ALDH1L2: variants seen among roughly 807,000 people sequenced by gnomAD.
ALDH1L2 encodes the protein aldehyde dehydrogenase 1 family member L2.
A neutral mutation model predicts 111.0 loss-of-function variants in ALDH1L2; 91 were observed. The observed-to-expected ratio is 0.82, with a 90% confidence interval of 0.69 to 0.98. The LOEUF is 0.98. Ranked by LOEUF, ALDH1L2 falls within the 50% of genes least tolerant of loss-of-function variation. ALDH1L2 has a pLI of 0.00. For missense variants in ALDH1L2, 995 were observed against 1,126.8 expected (o/e 0.88, Z 1.67); for synonymous variants, 374 against 392.6 (o/e 0.95, Z 0.56).
rs1384814016 is a variant in ALDH1L2, at chr12:105,046,708, A to T, written c.1863+2T>A. On this transcript the variant is annotated splice_donor_variant, in intron 15 of 22. Transcript: ENST00000258494. LOFTEE classifies it high-confidence loss of function. ...TCTGCACCTGGCCCTTTGTGGCCTT[A>T]CCTGTGCTGGCTTGAGCACTAAGGT... 1 of 1,613,746 alleles carries T rather than the reference A, an allele frequency of 6.2e-7. No homozygotes were observed. Among genetic ancestry groups the T allele is most frequent in the South Asian group, 1.1e-5 (1 of 91,066 alleles).
chr12:105,034,190 C>G (rs984913029), intron 19 of ALDH1L2, 110 bp downstream of exon 19: 5 of 1,038,926 alleles, frequency 4.8e-6, no homozygotes, highest in Non-Finnish European at 7.1e-6. Context: ...TAAAACATAA[C>G]CACAATACTG....
At chr12:105,028,419 G>C (rs767752345) in intron 21 of ALDH1L2, among the ~76,000 whole-genome samples, 6 of 152,158 alleles carry the variant, frequency 3.9e-5, no homozygotes, top group Non-Finnish European at 7.3e-5. Flanking sequence ...GGCCAAGCCA[G>C]GTATTTCATC....
At chr12:105,046,273 G>A (rs1448285857) in intron 15 of ALDH1L2, among the ~76,000 whole-genome samples, 1 of 76,208 alleles carries the variant, frequency 1.3e-5, no homozygotes, top group African/African-American at 4.9e-5. Context: ...TCTTTGCTTT[G>A]TTGCCCAGGC....
At chr12:105,050,685 G>A (rs1876203288) in intron 12 of ALDH1L2, 1 of 453,640 alleles carries the variant, frequency 2.2e-6, no homozygotes, top group Non-Finnish European at 4.4e-6. Context: ...TCCAGATCTT[G>A]CTTGTATTAG....
At chr12:105,049,830 G>A (rs1876138721) in intron 13 of ALDH1L2, 78 bp downstream of exon 13, 2 of 1,440,036 alleles carry the variant, frequency 1.4e-6, no homozygotes, top group Non-Finnish European at 9.3e-7. Context: ...CATAAAAAGA[G>A]GATCTGACAC....
At chr12:105,046,861 A>T in intron 14 of ALDH1L2, 38 bp downstream of exon 14, 1 of 1,613,342 alleles carries the variant, frequency 6.2e-7, no homozygotes, top group Non-Finnish European at 8.5e-7. Context: ...CAAATAACAC[A>T]ACTCATGATT....
At chr12:105,052,702 G>C in intron 11 of ALDH1L2, 110 bp downstream of exon 11, 1 of 1,341,392 alleles carries the variant, frequency 7.5e-7, no homozygotes. Flanking sequence ...GAAGTACTTA[G>C]AGGCAGAGTG....
At chr12:105,064,114 C>CT (rs71069786) in intron 6 of ALDH1L2, among the ~76,000 whole-genome samples, 6 of 35,124 alleles carry the variant, frequency 1.7e-4, no homozygotes, top group Admixed American at 4.2e-4. Context: ...CCACACCGAG[C>CT]TTTTTTTTTT....
chr12:105,066,608 CCTT>C lies in ALDH1L2; in HGVS notation c.653_655del (p.Glu218del). ...TTTCTGGATACCTTCATATGTTGCCCCTTCTTCTGGCTGGGGTATACGAGGAGC... is the reference window on the plus strand; with the variant it reads ...TTTCTGGATACCTTCATATGTTGCCCCTTCTGGCTGGGGTATACGAGGAGC... On this transcript the variant is annotated inframe_deletion, in exon 5 of 23. Coordinates refer to ENST00000258494, the MANE Select transcript of ALDH1L2 (RefSeq NM_001034173.4). 1 of 1,614,084 alleles carries C rather than the reference CCTT, an allele frequency of 6.2e-7. No individual in the cohort carries two copies. Among genetic ancestry groups the C allele is most frequent in the South Asian group, 1.1e-5 (1 of 91,072 alleles).
At chr12:105,063,150 CA>C (rs1877106648) in intron 6 of ALDH1L2, 128 bp from the exon 7 acceptor site, 1 of 1,086,830 alleles carries the variant, frequency 9.2e-7, no homozygotes, top group African/African-American at 1.6e-5. Flanking sequence ...TGAGACACCA[CA>C]ATGGGAGAAA....
chr12:105,075,461 T>C (rs1878000145), intron 1 of ALDH1L2, among the ~76,000 whole-genome samples: 1 of 152,184 alleles, frequency 6.6e-6, no homozygotes, highest in South Asian at 2.1e-4. Context: ...GGCAGGCATC[T>C]GTAATCCCAG....
At chr12:105,025,432 T>C (rs1053849010) in intron 22 of ALDH1L2, among the ~76,000 whole-genome samples, 2 of 152,208 alleles carry the variant, frequency 1.3e-5, no homozygotes, top group African/African-American at 2.4e-5. Flanking sequence ...TCAAATACAC[T>C]CTCTCAAAAG....
chr12:105,076,323 A>T (rs572221311), intron 1 of ALDH1L2, among the ~76,000 whole-genome samples: 12 of 152,176 alleles, frequency 7.9e-5, no homozygotes, highest in Non-Finnish European at 1.8e-4. Context: ...TTCGGTCAGG[A>T]AGAAATGGTG....
In ALDH1L2 at chr12:105,065,353, A is replaced by T. The variant is rs758530813; in HGVS notation, c.700T>A (p.Ser234Thr). Residue 234 changes from serine (S) to threonine (T), a missense_variant, in exon 6 of 23, where the codon TCT (serine) becomes ACT (threonine). By Grantham distance (58) the Ser-to-Thr change is moderately conservative. Transcript: ENST00000258494. ...GIQKKENAEI[S>T]WDQSAEVLHN... is the part of the protein sequence containing the mutation. ...AAAACTTCGGCAGACTGGTCCCAAGAAATCTAGGAAGGCACAAAATACAGG... is the reference window on the plus strand; with the variant it reads ...AAAACTTCGGCAGACTGGTCCCAAGTAATCTAGGAAGGCACAAAATACAGG... 1.2e-6 allele frequency: 2 copies of T among 1,610,900 alleles called. No individual in the cohort carries two copies. Among genetic ancestry groups the T allele is most frequent in the Admixed American group, 3.3e-5 (2 of 59,946 alleles).
intron 13 of ALDH1L2, 34 bp downstream of exon 13, chr12:105,049,873 CT>C: frequency 1.3e-6 from 2 of 1,585,714 alleles, no homozygotes; most frequent in South Asian, 1.2e-5. Flanking sequence ...ATGTTAGTCC[CT>C]TTTTCTTTCA....
At chr12:105,031,225 A>C (rs1230780724) in intron 20 of ALDH1L2, among the ~76,000 whole-genome samples, 2 of 152,224 alleles carry the variant, frequency 1.3e-5, no homozygotes, top group African/African-American at 4.8e-5. Context: ...CATAATATGC[A>C]ACCTTCACCA....
At chr12:105,084,345 C>T (rs943622344) in intron 1 of ALDH1L2, 44 bp downstream of exon 1, 1 of 1,505,928 alleles carries the variant, frequency 6.6e-7, no homozygotes, top group African/African-American at 1.4e-5. Flanking sequence ...GTCTGGAAAC[C>T]AGGACAGGGT....
At chr12:105,042,010 C>T (rs938991995) in intron 15 of ALDH1L2, among the ~76,000 whole-genome samples, 3 of 152,146 alleles carry the variant, frequency 2.0e-5, no homozygotes, top group Admixed American at 1.3e-4. Context: ...GATATCTGGA[C>T]ATTATTGAGG....
chr12:105,026,027 A>G (rs1874389905), intron 22 of ALDH1L2, among the ~76,000 whole-genome samples: 1 of 152,176 alleles, frequency 6.6e-6, no homozygotes, highest in Non-Finnish European at 1.5e-5. Context: ...GCTCACAGTG[A>G]ATTACATTTT....
Sources: allele counts gnomAD v4.1 joint callset (sites outside exome capture counted in the v4.1 genomes callset), GRCh38; gene constraint gnomAD v4.1.1; transcripts MANE v1.5; gene names NCBI Gene and HGNC (gene_info 2026-07-23, HGNC 2026-07-21).